Variants in RPS6KC1 observed in about 807,000 individuals in gnomAD.
The protein encoded by RPS6KC1 is ribosomal protein S6 kinase C1, also known as inactive ribosomal protein S6 kinase delta-1.
A neutral mutation model predicts 103.8 loss-of-function variants in RPS6KC1; 54 were observed. That is an observed-to-expected ratio of 0.52 (90% confidence interval 0.42 to 0.65). The LOEUF is 0.65. RPS6KC1 is among the 30% of genes least tolerant of loss of function. The pLI is 0.00. For synonymous variants in RPS6KC1, 439 were observed against 438.7 expected, an observed-to-expected ratio of 1.00 and a Z score of -0.01; for missense variants, 1,151 against 1,253.8, an observed-to-expected ratio of 0.92 and a Z score of 1.24.
the RPS6KC1 span, among the ~76,000 whole-genome samples, chr1:213,728,219 TAA>T: frequency 7.9e-5 from 12 of 152,124 alleles, no homozygotes; most frequent in Non-Finnish European, 1.6e-4. Context: ...TCGCAGAGAC[TAA>T]GAGTCTGGGA....
the RPS6KC1 span, among the ~76,000 whole-genome samples, chr1:213,630,898 G>T: frequency 1.3e-5 from 2 of 152,202 alleles, no homozygotes; most frequent in Non-Finnish European, 2.9e-5. Context: ...GCAGATATTG[G>T]TGAACAGCAA....
chr1:213,582,851 A>AC, the RPS6KC1 span, among the ~76,000 whole-genome samples: 1 of 152,210 alleles, frequency 6.6e-6, no homozygotes, highest in Non-Finnish European at 1.5e-5. Context: ...TTGTAACACC[A>AC]CCAAGATTAA....
At chr1:213,375,078 C>T in the RPS6KC1 span, among the ~76,000 whole-genome samples, 77,033 of 151,778 alleles carry the variant, frequency 0.51, 22,304 homozygotes, top group East Asian at 0.75. Flanking sequence ...CACATACACA[C>T]ATACACACAT....
the RPS6KC1 span, among the ~76,000 whole-genome samples, chr1:213,773,939 A>G: frequency 5.3e-3 from 809 of 152,320 alleles, 6 homozygotes; most frequent in African/African-American, 0.019. Flanking sequence ...CATCACAGCA[A>G]CTTTTCACAA....
chr1:213,502,800 G>C, the RPS6KC1 span, among the ~76,000 whole-genome samples: 2 of 152,070 alleles, frequency 1.3e-5, no homozygotes, highest in Non-Finnish European at 2.9e-5. Context: ...TCATGGATCA[G>C]TCTTTATTTT....
At chr1:213,058,104 T>G (rs1572239132) in intron 1 of RPS6KC1, among the ~76,000 whole-genome samples, 1 of 142,038 alleles carries the variant, frequency 7.0e-6, no homozygotes, top group South Asian at 2.4e-4. Flanking sequence ...GGTCTTGCTG[T>G]GTTGCCAGGG....
At chr1:213,575,465 C>T in the RPS6KC1 span, among the ~76,000 whole-genome samples, 5 of 152,148 alleles carry the variant, frequency 3.3e-5, no homozygotes, top group East Asian at 3.9e-4. Flanking sequence ...CGGTTACCCC[C>T]GTGCTGCTGT....
chr1:213,176,505 T>A lies in RPS6KC1; in HGVS notation c.1044+13T>A. The stretch of plus-strand genomic sequence containing the variant: ...GGTGATTGACAAGGTAATTCTTCAG[T>A]GTCTCTTCAAGAGTTCAGTCATAAA... On this transcript the variant is annotated intron_variant, in intron 8 of 14. Transcript: ENST00000366960. The A allele has an allele frequency of 6.4e-7, 1 of 1,554,284 alleles. No homozygotes were observed. The highest frequency in any genetic ancestry group is 8.8e-7 in the Non-Finnish European group (1 of 1,130,152).
At chr1:213,776,805 T>C in the RPS6KC1 span, among the ~76,000 whole-genome samples, 1 of 152,338 alleles carries the variant, frequency 6.6e-6, no homozygotes, top group African/African-American at 2.4e-5. Flanking sequence ...TTCATACATA[T>C]TGAAAATCTG....
At chr1:213,488,335 G>A in the RPS6KC1 span, among the ~76,000 whole-genome samples, 26 of 152,310 alleles carry the variant, frequency 1.7e-4, no homozygotes, top group East Asian at 9.7e-4. Context: ...AAACTGTTAT[G>A]GGAACACAGG....
At chr1:213,659,666 T>G in the RPS6KC1 span, among the ~76,000 whole-genome samples, 1 of 152,008 alleles carries the variant, frequency 6.6e-6, no homozygotes, top group Non-Finnish European at 1.5e-5. Context: ...CTTACTGGCA[T>G]AAATGTTCAA....
chr1:213,638,417 C>G, the RPS6KC1 span, among the ~76,000 whole-genome samples: 1 of 152,050 alleles, frequency 6.6e-6, no homozygotes. Flanking sequence ...GTTTTCATGT[C>G]TAGGAGGTCT....
intron 6 of RPS6KC1, among the ~76,000 whole-genome samples, chr1:213,142,039 A>C (rs1373843416): frequency 6.6e-6 from 1 of 152,010 alleles, no homozygotes; most frequent in African/African-American, 2.4e-5. Context: ...ACTTGTTTCG[A>C]GAATCTGGGT....
intron 6 of RPS6KC1, 91 bp downstream of exon 6, chr1:213,129,980 T>G: frequency 4.8e-6 from 6 of 1,240,518 alleles, no homozygotes; most frequent in Non-Finnish European, 6.6e-6. Context: ...TATAGTCTTA[T>G]GGAAATAATA....
At chr1:213,629,962 C>T in the RPS6KC1 span, among the ~76,000 whole-genome samples, 5 of 152,370 alleles carry the variant, frequency 3.3e-5, no homozygotes, top group African/African-American at 1.2e-4. Context: ...AGCGCTTAGT[C>T]TGATGGGCTT....
chr1:213,789,583 T>C, the RPS6KC1 span, among the ~76,000 whole-genome samples: 1 of 152,150 alleles, frequency 6.6e-6, no homozygotes, highest in East Asian at 1.9e-4. Context: ...CTTAGATAAA[T>C]TTGTTTACAA....
the RPS6KC1 span, among the ~76,000 whole-genome samples, chr1:213,365,738 C>A: frequency 6.6e-6 from 1 of 152,190 alleles, no homozygotes. Flanking sequence ...TACCCATATT[C>A]CACACCGATG....
chr1:213,422,828 G>C, the RPS6KC1 span, among the ~76,000 whole-genome samples: 1 of 152,196 alleles, frequency 6.6e-6, no homozygotes, highest in Non-Finnish European at 1.5e-5. Context: ...TTCAACCAAG[G>C]CATCTGCCTA....
At chr1:213,383,602 G>A in the RPS6KC1 span, among the ~76,000 whole-genome samples, 3 of 152,160 alleles carry the variant, frequency 2.0e-5, no homozygotes, top group African/African-American at 7.2e-5. Flanking sequence ...TGAAGTCCAA[G>A]CCTTCAGTAT....
Sources: allele counts gnomAD v4.1 joint callset (sites outside exome capture counted in the v4.1 genomes callset), GRCh38; gene constraint gnomAD v4.1.1; transcripts MANE v1.5; gene names NCBI Gene and HGNC (gene_info 2026-07-23, HGNC 2026-07-21).